The following MYOM1 variants were observed in gnomAD, a reference collection of about 807,000 sequenced individuals.
MYOM1 encodes myomesin-1.
In MYOM1, 164 loss-of-function variants were observed where a neutral mutation model predicts 205.3. The observed-to-expected ratio is 0.80, with a 90% confidence interval of 0.70 to 0.91. MYOM1 has a LOEUF of 0.91. MYOM1 is among the 40% of genes least tolerant of loss of function. MYOM1 has a pLI of 0.00. For missense variants in MYOM1, 2,011 were observed against 2,127.3 expected, an observed-to-expected ratio of 0.95 and a Z score of 1.08; for synonymous variants, 772 against 789.4, an observed-to-expected ratio of 0.98 and a Z score of 0.37.
chr18:3,191,111 A>G (rs2144160301), intron 3 of MYOM1, among the ~76,000 whole-genome samples: 1 of 152,370 alleles, frequency 6.6e-6, no homozygotes, highest in South Asian at 2.1e-4. Flanking sequence ...TGGACACAAA[A>G]GCAAAACTGT....
intron 25 of MYOM1, among the ~76,000 whole-genome samples, chr18:3,095,632 T>C (rs1032639776): frequency 6.6e-6 from 1 of 152,150 alleles, no homozygotes; most frequent in Non-Finnish European, 1.5e-5. Context: ...CTGTGAATAG[T>C]GGTCTGTGTT....
At chr18:3,070,498 A>T (rs8089777) in intron 37 of MYOM1, among the ~76,000 whole-genome samples, 1 of 151,992 alleles carries the variant, frequency 6.6e-6, no homozygotes, top group South Asian at 2.1e-4. Flanking sequence ...GCGAATCCAG[A>T]TTAGAAATTA....
chr18:3,207,233 T>G (rs2081135042), intron 2 of MYOM1, among the ~76,000 whole-genome samples: 1 of 152,208 alleles, frequency 6.6e-6, no homozygotes, highest in African/African-American at 2.4e-5. Context: ...GAATTAAATC[T>G]CTTATGGTTC....
chr18:3,095,769 T>G (rs1040135255), intron 25 of MYOM1, among the ~76,000 whole-genome samples: 13 of 152,014 alleles, frequency 8.6e-5, no homozygotes, highest in African/African-American at 3.1e-4. Context: ...CCCTCTCTTC[T>G]GTATTCCTCT....
intron 2 of MYOM1, among the ~76,000 whole-genome samples, chr18:3,195,801 G>A (rs1042731704): frequency 2.6e-5 from 4 of 151,602 alleles, no homozygotes; most frequent in African/African-American, 9.7e-5. Flanking sequence ...CATAGAATGT[G>A]CCATAATATG....
intron 5 of MYOM1, among the ~76,000 whole-genome samples, chr18:3,187,079 A>AG (rs2080828185): frequency 6.6e-6 from 1 of 152,214 alleles, no homozygotes; most frequent in Admixed American, 6.5e-5. Context: ...GTTTTGTAAA[A>AG]GGCAGCATTG....
Position 3,205,300 on chromosome 18 carries a change from T to C in MYOM1, c.290+9634A>G, listed in dbSNP as rs147039066. On this transcript the variant is annotated intron_variant, in intron 2 of 37. Transcript: ENST00000356443. ...GAGAAGGAAAAGACAAGGCACAGAA[T>C]ATGAGAAAATATTTGCAAACATATC... Among the ~76,000 whole-genome samples the C allele has an allele frequency of 2.0e-5, 3 of 152,210 alleles. No individual in the cohort carries two copies. The East Asian group carries it at 5.8e-4, about 29-fold the overall frequency.
At chr18:3,214,672 C>A (rs9973121) in intron 2 of MYOM1, among the ~76,000 whole-genome samples, 1,603 of 152,120 alleles carry the variant, frequency 0.011, 23 homozygotes, top group African/African-American at 0.037. Context: ...AAAAACACGA[C>A]ATGAGCCGGG....
chr18:3,076,956 C>T (rs958107537), intron 34 of MYOM1, among the ~76,000 whole-genome samples: 12 of 151,946 alleles, frequency 7.9e-5, no homozygotes, highest in Non-Finnish European at 1.5e-4. Context: ...TCGTGATCCA[C>T]CCGCTTTGGC....
At chr18:3,237,127 T>C in the MYOM1 span, among the ~76,000 whole-genome samples, 4 of 151,900 alleles carry the variant, frequency 2.6e-5, no homozygotes, top group Admixed American at 6.5e-5. Flanking sequence ...CAGAAAAGGA[T>C]CACTGAGAAA....
chr18:3,214,996 G>C lies in MYOM1; in HGVS notation c.228C>G (p.His76Gln). Reference sequence around the variant, plus strand: ...TCCGACTGACTTCAGAGCTCAGGGCGTGCTGCGAGGCCTGCTGCTGGGAGG... The same window carrying C: ...TCCGACTGACTTCAGAGCTCAGGGCCTGCTGCGAGGCCTGCTGCTGGGAGG... The part of the protein sequence containing the change: ...ASSSQQQASQ[H>Q]ALSSEVSRKA... Residue 76 changes from histidine to glutamine, a missense_variant, in exon 2 of 38, where the codon CAC becomes CAG. Physicochemically the swap from His to Gln is conservative, Grantham distance 24. Coordinates refer to ENST00000356443, the MANE Select transcript of MYOM1 (RefSeq NM_003803.4). 2 of 1,611,726 alleles carry C rather than the reference G, an allele frequency of 1.2e-6. No homozygotes were observed. The highest frequency in any genetic ancestry group is 1.7e-6 in the Non-Finnish European group (2 of 1,178,840).
intron 2 of MYOM1, among the ~76,000 whole-genome samples, chr18:3,213,124 T>C (rs989993017): frequency 1.3e-5 from 2 of 152,226 alleles, no homozygotes. Context: ...CAGGTGCTGC[T>C]CAAACCCAAC....
At chr18:3,155,366 C>T (rs970289620) in intron 10 of MYOM1, among the ~76,000 whole-genome samples, 17 of 152,162 alleles carry the variant, frequency 1.1e-4, no homozygotes, top group African/African-American at 2.9e-4. Context: ...GGACTACAGG[C>T]ACCCGCCACC....
intron 12 of MYOM1, among the ~76,000 whole-genome samples, chr18:3,151,134 C>T (rs1175753669): frequency 2.0e-5 from 3 of 151,632 alleles, no homozygotes; most frequent in South Asian, 2.1e-4. Flanking sequence ...TGAGCCACCA[C>T]GCCAGGCCTG....
rs745895344 is a variant in MYOM1, at chr18:3,067,493, G to A, written c.4827C>T (p.Asn1609=). The stretch of plus-strand genomic sequence containing the variant: ...GGTCGTCTGAGGCCAGGGCCTTCTC[G>A]TTCTTCAACCACGACACCTCCGGAG... ...DPPPEVSWLK[N]EKALASDDHC... The change falls in exon 38 of 38, where the codon AAC becomes AAT. Residue 1609 remains asparagine (N), a synonymous_variant. Coordinates refer to ENST00000356443, the MANE Select transcript of MYOM1 (RefSeq NM_003803.4). The A allele has an allele frequency of 5.0e-6, 8 of 1,613,750 alleles. No homozygotes were observed. Among genetic ancestry groups the A allele is most frequent in the African/African-American group, 1.3e-5 (1 of 74,922 alleles).
At position 3,124,671 on chromosome 18, in the gene MYOM1, T is replaced by TG. The variant is rs374706399; in HGVS notation, c.2991+2029dup. On this transcript the variant is annotated intron_variant, in intron 19 of 37. Coordinates refer to ENST00000356443, the MANE Select transcript of MYOM1 (RefSeq NM_003803.4). ...TAATGCTGGGACAACTATGTCTCTG[T>TG]GGGGGGGGGTTAATTTTGATGCTTA... Among the ~76,000 whole-genome samples the TG allele has an allele frequency of 5.1e-3, 762 of 149,902 alleles. 4 individuals carry two copies. The highest frequency in any genetic ancestry group is 0.014 in the East Asian group (74 of 5,120).
Position 3,215,745 on chromosome 18 carries a change from A to T in MYOM1, c.-28-494T>A, listed in dbSNP as rs183910068. On this transcript the variant is annotated intron_variant, in intron 1 of 37. Transcript: ENST00000356443. ...CCCTCCTGTCATTGTACCTTTTTTTAAAAAAAATTGTATCTAGGAGGTTTT... is the reference window on the plus strand; with the variant it reads ...CCCTCCTGTCATTGTACCTTTTTTTTAAAAAAATTGTATCTAGGAGGTTTT... 4.7e-4 allele frequency among the ~76,000 whole-genome samples: 71 copies of T among 152,034 alleles called. No homozygotes were observed. In the East Asian group the frequency reaches 0.01, roughly 21 times the overall value.
intron 2 of MYOM1, among the ~76,000 whole-genome samples, chr18:3,206,175 C>A (rs563624534): frequency 2.6e-5 from 4 of 152,262 alleles, no homozygotes; most frequent in African/African-American, 9.6e-5. Context: ...GGATGAAAAG[C>A]TCTGTTTTTA....
At chr18:3,150,284 A>C (rs1003986746) in intron 12 of MYOM1, among the ~76,000 whole-genome samples, 1 of 151,806 alleles carries the variant, frequency 6.6e-6, no homozygotes, top group Non-Finnish European at 1.5e-5. Flanking sequence ...CTGGTCACGA[A>C]CTCCTGACCT....
Sources: gnomAD v4.1 joint callset for allele counts (sites outside exome capture counted in the v4.1 genomes callset) on GRCh38, gnomAD v4.1.1 for gene constraint, MANE v1.5 for transcripts, NCBI Gene and HGNC (gene_info 2026-07-23, HGNC 2026-07-21) for gene names.